FSTL5: variants seen among roughly 807,000 people sequenced by gnomAD.
FSTL5 encodes the protein follistatin like 5, also known as follistatin-related protein 5.
FSTL5 carries 62 observed loss-of-function variants against 89.1 expected under a neutral mutation model. That is an observed-to-expected ratio of 0.70 (90% CI 0.57 to 0.86). FSTL5 has a LOEUF of 0.86. Among genes scored for constraint, FSTL5 ranks in the 40% least tolerant of loss-of-function variants. FSTL5 has a pLI of 0.00. For missense variants in FSTL5, 1,057 were observed against 1,001.6 expected (o/e 1.06, Z -0.75); for synonymous variants, 383 against 346.2 (o/e 1.11, Z -1.18).
chr4:161,774,609 T>C (rs1300997753), intron 5 of FSTL5, among the ~76,000 whole-genome samples: 1 of 151,960 alleles, frequency 6.6e-6, no homozygotes, highest in Non-Finnish European at 1.5e-5. Flanking sequence ...GGTGCAGATA[T>C]GTTAATAAAA....
At chr4:161,974,707 C>T (rs530644343) in intron 3 of FSTL5, among the ~76,000 whole-genome samples, 31 of 117,302 alleles carry the variant, frequency 2.6e-4, no homozygotes, top group Middle Eastern at 4.0e-3. Flanking sequence ...GACTTCATGT[C>T]CAAAACACCA....
chr4:161,715,884 A>C (rs1246886002), intron 6 of FSTL5, among the ~76,000 whole-genome samples: 3 of 152,248 alleles, frequency 2.0e-5, no homozygotes, highest in Non-Finnish European at 4.4e-5. Context: ...TCTAGCCCGT[A>C]GTAGTGCCGA....
At chr4:162,126,555 C>T (rs1249973026) in intron 1 of FSTL5, among the ~76,000 whole-genome samples, 3 of 152,010 alleles carry the variant, frequency 2.0e-5, no homozygotes, top group African/African-American at 7.2e-5. Flanking sequence ...ATTTACAATT[C>T]ATCATTTTTT....
At chr4:161,820,617 A>C (rs1256602198) in intron 4 of FSTL5, among the ~76,000 whole-genome samples, 1 of 152,186 alleles carries the variant, frequency 6.6e-6, no homozygotes, top group East Asian at 1.9e-4. Flanking sequence ...GATGCGTGAA[A>C]ATTGAAGGCC....
chr4:161,871,024 C>T (rs935408529), intron 4 of FSTL5, among the ~76,000 whole-genome samples: 1 of 152,048 alleles, frequency 6.6e-6, no homozygotes, highest in Non-Finnish European at 1.5e-5. Flanking sequence ...ATGCAGTAAA[C>T]ACATACTACT....
chr4:161,909,418 G>A (rs898724957), intron 4 of FSTL5, among the ~76,000 whole-genome samples: 4 of 151,982 alleles, frequency 2.6e-5, no homozygotes, highest in Non-Finnish European at 5.9e-5. Flanking sequence ...ACTCTATTTG[G>A]AGACAAGGAC....
intron 6 of FSTL5, 107 bp from the exon 7 acceptor site, chr4:161,656,601 G>T: frequency 1.7e-6 from 1 of 582,264 alleles, no homozygotes. Flanking sequence ...TGAATAAAAG[G>T]GAAAAAAGCT....
chr4:161,832,493 G>A (rs929769535), intron 4 of FSTL5, among the ~76,000 whole-genome samples: 1 of 152,148 alleles, frequency 6.6e-6, no homozygotes, highest in African/African-American at 2.4e-5. Flanking sequence ...GAATTCGGCT[G>A]TGAATCCATC....
chr4:161,836,125 T>C (rs1031811247), intron 4 of FSTL5, among the ~76,000 whole-genome samples: 1 of 151,754 alleles, frequency 6.6e-6, no homozygotes, highest in Non-Finnish European at 1.5e-5. Flanking sequence ...TATGCAGCCA[T>C]AAAAAATGAT....
At chr4:161,636,295 T>A (rs1735696483) in intron 7 of FSTL5, among the ~76,000 whole-genome samples, 1 of 152,058 alleles carries the variant, frequency 6.6e-6, no homozygotes, top group African/African-American at 2.4e-5. Context: ...TGAGTTTGAG[T>A]CAAACTGTAC....
At chr4:161,514,238 CACAT>C (rs1730742925) in intron 10 of FSTL5, among the ~76,000 whole-genome samples, 2 of 152,026 alleles carry the variant, frequency 1.3e-5, no homozygotes, top group Non-Finnish European at 2.9e-5. Flanking sequence ...CACACACACA[CACAT>C]ACACACACAC....
chr4:161,984,690 C>T (rs150149328), intron 3 of FSTL5, among the ~76,000 whole-genome samples: 4 of 152,216 alleles, frequency 2.6e-5, no homozygotes, highest in East Asian at 3.9e-4. Flanking sequence ...GCTTACAAAT[C>T]ATCAGTCATT....
intron 3 of FSTL5, among the ~76,000 whole-genome samples, chr4:161,989,286 T>A (rs1736047368): frequency 1.3e-5 from 2 of 152,064 alleles, no homozygotes; most frequent in African/African-American, 4.8e-5. Context: ...TCCCTCTGAG[T>A]AAGCTGAGGG....
chr4:161,993,771 T>C (rs1736207351), intron 3 of FSTL5, among the ~76,000 whole-genome samples: 2 of 152,276 alleles, frequency 1.3e-5, no homozygotes, highest in African/African-American at 2.4e-5. Flanking sequence ...AACATCAATG[T>C]TATTTTCATT....
intron 4 of FSTL5, among the ~76,000 whole-genome samples, chr4:161,856,999 A>G (rs1055616224): frequency 6.6e-5 from 10 of 152,156 alleles, no homozygotes; most frequent in Non-Finnish European, 1.3e-4. Flanking sequence ...CAAGATAGAT[A>G]CAGAAGCCAG....
At chr4:161,525,982 T>G (rs1731205969) in intron 10 of FSTL5, among the ~76,000 whole-genome samples, 1 of 152,186 alleles carries the variant, frequency 6.6e-6, no homozygotes, top group African/African-American at 2.4e-5. Context: ...AATGCCTTCT[T>G]AAACCTATAG....
chr4:161,503,498 CAT>C (rs988282613), intron 11 of FSTL5, among the ~76,000 whole-genome samples: 10 of 151,554 alleles, frequency 6.6e-5, no homozygotes, highest in Admixed American at 2.0e-4. Flanking sequence ...GTGTGATACA[CAT>C]GTGTGTGCAT....
At chr4:162,146,770 C>CTCTCTCTCTCTCTCTCTT (rs754279568) in intron 1 of FSTL5, among the ~76,000 whole-genome samples, 94 of 142,956 alleles carry the variant, frequency 6.6e-4, no homozygotes, top group Admixed American at 2.3e-3. Flanking sequence ...CTCTCTCTCT[C>CTCTCTCTCTCTCTCTCTT]TCTTTCTTTC....
At chr4:161,760,057 T>G (rs1740731697) in intron 5 of FSTL5, among the ~76,000 whole-genome samples, 1 of 152,214 alleles carries the variant, frequency 6.6e-6, no homozygotes, top group South Asian at 2.1e-4. Context: ...CATTTGGGAT[T>G]GTGCATGAAT....
Sources: gnomAD v4.1 joint callset for allele counts (sites outside exome capture counted in the v4.1 genomes callset) on GRCh38, gnomAD v4.1.1 for gene constraint, MANE v1.5 for transcripts, NCBI Gene and HGNC (gene_info 2026-07-23, HGNC 2026-07-21) for gene names.